Variants in KCNN3 observed in about 807,000 individuals in gnomAD.
KCNN3 encodes the protein potassium calcium-activated channel subfamily N member 3.
A neutral mutation model predicts 62.9 loss-of-function variants in KCNN3; 16 were observed. The observed-to-expected ratio is 0.25, with a 90% CI of 0.17 to 0.39. KCNN3 has a LOEUF of 0.39. Ranked by LOEUF, KCNN3 falls within the 10% of genes least tolerant of loss-of-function variation. The probability of loss-of-function intolerance (pLI) is 1.00; values close to 1 mark genes in which losing one functional copy is unlikely to be tolerated. For missense variants in KCNN3, 599 were observed against 949.4 expected (o/e 0.63, Z 4.85); for synonymous variants, 370 against 389.2 (o/e 0.95, Z 0.58).
At chr1:154,751,563 C>A (rs755337569) in intron 3 of KCNN3, among the ~76,000 whole-genome samples, 21 of 152,182 alleles carry the variant, frequency 1.4e-4, no homozygotes, top group Non-Finnish European at 2.6e-4. Context: ...CCACTGGACA[C>A]CTGGGGTGCC....
intron 1 of KCNN3, among the ~76,000 whole-genome samples, chr1:154,847,480 C>T (rs1214287278): frequency 6.6e-6 from 1 of 152,246 alleles, no homozygotes; most frequent in African/African-American, 2.4e-5. Context: ...CAAGACCCCG[C>T]TCTCCTGATG....
At chr1:154,781,848 A>C (rs924647292) in intron 2 of KCNN3, among the ~76,000 whole-genome samples, 3 of 152,226 alleles carry the variant, frequency 2.0e-5, no homozygotes, top group African/African-American at 7.2e-5. Flanking sequence ...CTTACATTTC[A>C]GGGGAGGAAA....
intron 1 of KCNN3, among the ~76,000 whole-genome samples, chr1:154,860,112 G>C (rs922663878): frequency 6.6e-6 from 1 of 152,226 alleles, no homozygotes; most frequent in Non-Finnish European, 1.5e-5. Flanking sequence ...ACCTGGCTGG[G>C]AACGTCACCC....
intron 3 of KCNN3, among the ~76,000 whole-genome samples, chr1:154,754,310 C>A (rs1047180439): frequency 1.3e-5 from 2 of 151,998 alleles, no homozygotes; most frequent in African/African-American, 2.4e-5. Flanking sequence ...CAAGCGACAC[C>A]GCAGAATAAG....
intron 5 of KCNN3, among the ~76,000 whole-genome samples, chr1:154,717,497 C>T (rs914850766): frequency 1.1e-4 from 17 of 151,708 alleles, no homozygotes; most frequent in African/African-American, 4.1e-4. Context: ...GAAGGAAAGA[C>T]AAACAAAATC....
chr1:154,859,384 C>T (rs1652663743), intron 1 of KCNN3, among the ~76,000 whole-genome samples: 1 of 152,224 alleles, frequency 6.6e-6, no homozygotes, highest in Non-Finnish European at 1.5e-5. Context: ...CCCAGGAGCA[C>T]CCACAGCCAG....
chr1:154,736,627 T>C (rs1571224402), intron 3 of KCNN3, among the ~76,000 whole-genome samples: 1 of 152,206 alleles, frequency 6.6e-6, no homozygotes, highest in African/African-American at 2.4e-5. Context: ...GCCTGCCCTC[T>C]GTGCACATCA....
intron 3 of KCNN3, among the ~76,000 whole-genome samples, chr1:154,740,532 G>A (rs1420869396): frequency 6.6e-6 from 1 of 152,218 alleles, no homozygotes; most frequent in Admixed American, 6.5e-5. Flanking sequence ...CTGGTTTGTA[G>A]GATATGTACA....
At chr1:154,731,248 C>T (rs368971083) in intron 4 of KCNN3, among the ~76,000 whole-genome samples, 7 of 152,224 alleles carry the variant, frequency 4.6e-5, no homozygotes, top group African/African-American at 1.4e-4. Context: ...CCGGTTTCCT[C>T]GTGACAGTTG....
At chr1:154,832,185 T>TA (rs1345453998) in intron 1 of KCNN3, among the ~76,000 whole-genome samples, 2 of 151,570 alleles carry the variant, frequency 1.3e-5, no homozygotes, top group South Asian at 4.1e-4. Flanking sequence ...CCTTCTCCAA[T>TA]AAAAAAATGG....
In KCNN3 at chr1:154,869,832, G is replaced by A; in HGVS notation, c.133C>T (p.Pro45Ser). Residue 45 changes from proline (P) to serine (S), a missense_variant, in exon 1 of 8, where the codon CCA (proline) becomes TCA (serine). Pro to Ser is a moderately conservative substitution (Grantham distance 74). Transcript: ENST00000271915. This position sits in a 1 kb window ranked among gnomAD's most constrained non-coding sequence, Gnocchi z 6.1. ...QQQQQQQPPP[P>S]APPAAPQQPL... ...TGCTGGGGGGCTGCTGGTGGCGCTG[G>A]CGGTGGTGGCTGCTGCTGCTGTTGC... 1 of 1,566,748 alleles carries A rather than the reference G, an allele frequency of 6.4e-7. No individual in the cohort carries two copies. Among genetic ancestry groups the A allele is most frequent in the Non-Finnish European group, 8.7e-7 (1 of 1,154,836 alleles).
chr1:154,708,696 T>C (rs1156693309), intron 7 of KCNN3, among the ~76,000 whole-genome samples: 2 of 151,932 alleles, frequency 1.3e-5, no homozygotes, highest in Non-Finnish European at 2.9e-5. Context: ...AGGGCTCAAG[T>C]ACACATCTGC....
At chr1:154,800,921 T>C (rs1002469540) in intron 2 of KCNN3, among the ~76,000 whole-genome samples, 1 of 152,136 alleles carries the variant, frequency 6.6e-6, no homozygotes, top group African/African-American at 2.4e-5. Context: ...TGTGCGCGCC[T>C]GTAGTCCCAG....
intron 3 of KCNN3, among the ~76,000 whole-genome samples, chr1:154,746,855 A>G (rs895505009): frequency 4.6e-5 from 7 of 152,340 alleles, no homozygotes; most frequent in Middle Eastern, 3.4e-3. Flanking sequence ...TACAGATGGC[A>G]TCAAATGTCA....
At chr1:154,825,874 T>C (rs1571313836) in intron 1 of KCNN3, among the ~76,000 whole-genome samples, 1 of 150,506 alleles carries the variant, frequency 6.6e-6, no homozygotes, top group African/African-American at 2.4e-5. Context: ...CAGTGAAACC[T>C]CATCTCTACT....
At chr1:154,764,023 G>A (rs754182212) in intron 3 of KCNN3, among the ~76,000 whole-genome samples, 7 of 152,026 alleles carry the variant, frequency 4.6e-5, no homozygotes, top group Admixed American at 1.3e-4. Flanking sequence ...ATTTCTATTC[G>A]TTTGCCATCT....
At chr1:154,865,433 T>C (rs1652914875) in intron 1 of KCNN3, among the ~76,000 whole-genome samples, 1 of 152,020 alleles carries the variant, frequency 6.6e-6, no homozygotes, top group Non-Finnish European at 1.5e-5. Context: ...CTCAGGCATC[T>C]CTGCCGTTTG....
chr1:154,776,643 G>A (rs919159592), intron 2 of KCNN3, among the ~76,000 whole-genome samples: 4 of 152,192 alleles, frequency 2.6e-5, no homozygotes, highest in African/African-American at 4.8e-5. Flanking sequence ...TTCAGAGCAA[G>A]TAGCAGATAC....
intron 2 of KCNN3, among the ~76,000 whole-genome samples, chr1:154,815,246 A>G (rs1043812871): frequency 3.2e-4 from 49 of 152,194 alleles, no homozygotes; most frequent in Admixed American, 7.2e-4. Context: ...TGTCTGAAGA[A>G]GGATGGGGAC....
Sources: gnomAD v4.1 joint callset for allele counts (sites outside exome capture counted in the v4.1 genomes callset) on GRCh38, gnomAD v4.1.1 for gene constraint, Gnocchi (gnomAD v3.1) non-coding constraint, MANE v1.5 for transcripts, NCBI Gene and HGNC (gene_info 2026-07-23, HGNC 2026-07-21) for gene names.